RLIG1: variants seen among roughly 807,000 people sequenced by gnomAD.
RLIG1 encodes the protein RNA 5'-phosphate and 3'-OH ligase 1.
At chr12:88,035,536 G>A in the RLIG1 span, 1 of 1,111,750 alleles carries the variant, frequency 9.0e-7, no homozygotes, top group Non-Finnish European at 1.3e-6. Flanking sequence ...GTGGCTGGGC[G>A]CGGAGTGTGC....
chr12:88,049,399 GCTT>G, the RLIG1 span: 2 of 1,476,174 alleles, frequency 1.4e-6, no homozygotes, highest in South Asian at 1.3e-5. Flanking sequence ...TCTTTTTTCA[GCTT>G]CTTTATTTCC....
At chr12:88,046,979 A>G in the RLIG1 span, 1 of 1,599,520 alleles carries the variant, frequency 6.3e-7, no homozygotes, top group Non-Finnish European at 8.5e-7. Flanking sequence ...TAATAAAGGT[A>G]ATGGCAAAAA....
At chr12:88,035,772 G>A in the RLIG1 span, 6 of 1,562,696 alleles carry the variant, frequency 3.8e-6, no homozygotes, top group Admixed American at 3.8e-5. Flanking sequence ...TTGGCGGCCC[G>A]CGTGGGCTCC....
the RLIG1 span, among the ~76,000 whole-genome samples, chr12:88,038,253 T>G: frequency 6.6e-6 from 1 of 152,164 alleles, no homozygotes; most frequent in Non-Finnish European, 1.5e-5. Flanking sequence ...AGTGCTAATA[T>G]GAGGTCTCGT....
the RLIG1 span, among the ~76,000 whole-genome samples, chr12:88,036,562 G>C: frequency 6.6e-6 from 1 of 152,290 alleles, no homozygotes; most frequent in South Asian, 2.1e-4. Context: ...TCTAGGACCT[G>C]GCACGTGGTA....
chr12:88,035,584 T>C, the RLIG1 span: 7 of 1,518,480 alleles, frequency 4.6e-6, no homozygotes, highest in African/African-American at 1.4e-5. Context: ...TCAGGGCTTC[T>C]CCGCGACTGG....
chr12:88,035,675 G>A, the RLIG1 span: 2 of 1,608,724 alleles, frequency 1.2e-6, no homozygotes, highest in East Asian at 4.5e-5. Flanking sequence ...CCGTGCAGCG[G>A]AAAATGCCGT....
the RLIG1 span, among the ~76,000 whole-genome samples, chr12:88,039,023 T>C: frequency 6.6e-5 from 10 of 152,252 alleles, no homozygotes; most frequent in South Asian, 2.1e-3. Context: ...GTCAATTATA[T>C]TGAGAAAAAT....
chr12:88,040,166 A>G, the RLIG1 span: 10 of 1,609,106 alleles, frequency 6.2e-6, no homozygotes, highest in Non-Finnish European at 8.5e-6. Flanking sequence ...AGTTTTGGCA[A>G]CTGAAACTGT....
the RLIG1 span, chr12:88,046,982 G>A: frequency 2.5e-6 from 4 of 1,594,490 alleles, no homozygotes; most frequent in African/African-American, 4.0e-5. Flanking sequence ...TAAAGGTAAT[G>A]GCAAAAATAG....
chr12:88,045,687 C>G, the RLIG1 span: 1 of 1,613,004 alleles, frequency 6.2e-7, no homozygotes, highest in East Asian at 2.2e-5. Context: ...CCTGATGATT[C>G]TGGACTTTTG....
chr12:88,045,832 A>G, the RLIG1 span: 3 of 1,443,336 alleles, frequency 2.1e-6, no homozygotes, highest in South Asian at 3.7e-5. Flanking sequence ...TTATAAAGAG[A>G]ACTTTCTAGG....
chr12:88,049,457 A>G, the RLIG1 span: 1 of 1,001,854 alleles, frequency 1.0e-6, no homozygotes, highest in South Asian at 1.5e-5. Context: ...TAGGAAATAT[A>G]CATATTTTAC....
the RLIG1 span, among the ~76,000 whole-genome samples, chr12:88,037,517 C>T: frequency 6.6e-6 from 1 of 152,132 alleles, no homozygotes; most frequent in Non-Finnish European, 1.5e-5. Flanking sequence ...TTCCCCCCCA[C>T]ATAGGATCTT....
At chr12:88,045,553 A>G in the RLIG1 span, 1 of 1,533,616 alleles carries the variant, frequency 6.5e-7, no homozygotes, top group Non-Finnish European at 8.9e-7. Context: ...ACGATCTAAT[A>G]ACAAATAATT....
At chr12:88,049,285 T>G in the RLIG1 span, 1 of 1,608,790 alleles carries the variant, frequency 6.2e-7, no homozygotes, top group Non-Finnish European at 8.5e-7. Flanking sequence ...TCTGAAAGTT[T>G]TTTTACCTTC....
chr12:88,047,530 C>T, the RLIG1 span, among the ~76,000 whole-genome samples: 2 of 152,230 alleles, frequency 1.3e-5, no homozygotes, highest in East Asian at 1.9e-4. Context: ...TTACTTCATA[C>T]ATCCAGTTAT....
the RLIG1 span, chr12:88,048,156 C>A: frequency 2.7e-6 from 3 of 1,126,460 alleles, no homozygotes; most frequent in Non-Finnish European, 3.6e-6. Flanking sequence ...ACCTGGCAGA[C>A]AGTGGGCACT....
At chr12:88,043,568 C>A in the RLIG1 span, 1 of 1,433,954 alleles carries the variant, frequency 7.0e-7, no homozygotes, top group African/African-American at 1.4e-5. Flanking sequence ...AGTATCACCA[C>A]ATACAATATT....
Sources: allele counts gnomAD v4.1 joint callset (sites outside exome capture counted in the v4.1 genomes callset), GRCh38; gene constraint gnomAD v4.1.1; transcripts MANE v1.5; gene names NCBI Gene and HGNC (gene_info 2026-07-23, HGNC 2026-07-21).